RGS7: variants seen among roughly 807,000 people sequenced by gnomAD.
RGS7 encodes the protein regulator of G protein signaling 7, also known as regulator of G-protein signaling 7.
A neutral mutation model predicts 81.1 loss-of-function variants in RGS7; 27 were observed. The ratio of observed to expected loss-of-function variants is 0.33; its 90% confidence interval spans 0.25 to 0.46. The LOEUF is 0.46. Among genes scored for constraint, RGS7 ranks in the 20% least tolerant of loss-of-function variants. RGS7 has a pLI of 1.00. For synonymous variants in RGS7, 208 were observed against 207.7 expected (o/e 1.00, Z -0.01); for missense variants, 396 against 607.4 (o/e 0.65, Z 3.66).
intron 4 of RGS7, among the ~76,000 whole-genome samples, chr1:240,973,872 G>A (rs746111053): frequency 2.0e-5 from 3 of 152,070 alleles, no homozygotes; most frequent in South Asian, 2.1e-4. Context: ...GAGCCACTGC[G>A]CCCGGCCAGA....
intron 18 of RGS7, among the ~76,000 whole-genome samples, chr1:240,781,352 C>G (rs1362369689): frequency 1.3e-5 from 2 of 152,154 alleles, no homozygotes; most frequent in Non-Finnish European, 1.5e-5. Flanking sequence ...AGGCCTGTAA[C>G]CCCCGCACTT....
At chr1:241,205,992 CGTAA>C (rs1423050072) in intron 2 of RGS7, among the ~76,000 whole-genome samples, 11 of 148,312 alleles carry the variant, frequency 7.4e-5, no homozygotes, top group South Asian at 2.1e-4. Context: ...ACAGTAATTT[CGTAA>C]GTGTTTTTTT....
chr1:240,977,483 T>A (rs918572078), intron 4 of RGS7, among the ~76,000 whole-genome samples: 1 of 152,160 alleles, frequency 6.6e-6, no homozygotes, highest in Non-Finnish European at 1.5e-5. Flanking sequence ...AAGGTACAAA[T>A]CAAAATATAA....
chr1:241,207,348 C>CATATATATATATATCT (rs540737449), intron 2 of RGS7, among the ~76,000 whole-genome samples: 1 of 143,674 alleles, frequency 7.0e-6, no homozygotes, highest in Non-Finnish European at 1.5e-5. Context: ...CTTTAAAATG[C>CATATATATATATATCT]ATATATATAT....
chr1:240,865,169 C>A (rs557789828), intron 9 of RGS7, among the ~76,000 whole-genome samples: 67 of 152,252 alleles, frequency 4.4e-4, no homozygotes, highest in African/African-American at 1.6e-3. Flanking sequence ...TTAGAAAGGG[C>A]AAATCACTGT....
intron 2 of RGS7, among the ~76,000 whole-genome samples, chr1:241,221,855 T>A (rs2075034489): frequency 6.6e-6 from 1 of 152,200 alleles, no homozygotes; most frequent in Non-Finnish European, 1.5e-5. Context: ...TCCATAAACA[T>A]AAGCCAATTC....
intron 2 of RGS7, among the ~76,000 whole-genome samples, chr1:241,255,891 T>C (rs933565373): frequency 6.6e-6 from 1 of 152,176 alleles, no homozygotes; most frequent in African/African-American, 2.4e-5. Flanking sequence ...AACCAGAAAT[T>C]CTGACTGGGG....
intron 9 of RGS7, among the ~76,000 whole-genome samples, chr1:240,866,600 T>C (rs1449138328): frequency 6.6e-6 from 1 of 152,006 alleles, no homozygotes; most frequent in Non-Finnish European, 1.5e-5. Context: ...GATGACTTTC[T>C]AGTTGGAAGC....
chr1:240,809,672 G>A (rs953179833), intron 14 of RGS7, among the ~76,000 whole-genome samples: 1 of 152,186 alleles, frequency 6.6e-6, no homozygotes, highest in Non-Finnish European at 1.5e-5. Context: ...GTGGTTGGAT[G>A]TGTGATGATC....
chr1:241,022,767 C>T lies in RGS7; in HGVS notation c.176-39638G>A, dbSNP rs146734364. Reference sequence around the variant, plus strand: ...CGTGGCCAGCATCGTGACACTTAAGCTCTTCCTTTACTGTAATGCCATGGT... The same window carrying T: ...CGTGGCCAGCATCGTGACACTTAAGTTCTTCCTTTACTGTAATGCCATGGT... On this transcript the variant is annotated intron_variant, in intron 3 of 18. Coordinates refer to ENST00000440928, the MANE Select transcript of RGS7 (RefSeq NM_001364886.1). 1.5e-4 allele frequency among the ~76,000 whole-genome samples: 23 copies of T among 152,302 alleles called. No homozygotes were observed. In the East Asian group the frequency reaches 4.4e-3, roughly 29 times the overall value.
At chr1:240,819,822 A>G (rs1691467908) in intron 10 of RGS7, among the ~76,000 whole-genome samples, 1 of 152,366 alleles carries the variant, frequency 6.6e-6, no homozygotes, top group South Asian at 2.1e-4. Flanking sequence ...AACATCTTCC[A>G]GGAGCCTGGC....
At chr1:240,907,909 C>T (rs893283753) in intron 6 of RGS7, among the ~76,000 whole-genome samples, 1 of 152,126 alleles carries the variant, frequency 6.6e-6, no homozygotes, top group Non-Finnish European at 1.5e-5. Flanking sequence ...CCATAAAATA[C>T]ATGCCATTCG....
intron 3 of RGS7, among the ~76,000 whole-genome samples, chr1:241,088,791 C>G (rs1187859371): frequency 6.6e-6 from 1 of 151,732 alleles, no homozygotes; most frequent in Non-Finnish European, 1.5e-5. Context: ...GTGGGCAGAT[C>G]ACGAGGTCAG....
In RGS7 at chr1:240,870,128, A is replaced by T; in HGVS notation, c.386-9T>A. ...CTTGCAGAGGTAAACGGCTGAAAAA[A>T]AAATCAATCATTTCTTGCCTGCTTA... On this transcript the variant is annotated splice_polypyrimidine_tract_variant and intron_variant, in intron 6 of 18. Coordinates refer to ENST00000440928, the MANE Select transcript of RGS7 (RefSeq NM_001364886.1). 1 of 1,613,774 alleles carries T rather than the reference A, an allele frequency of 6.2e-7. No homozygotes were observed. Among genetic ancestry groups the T allele is most frequent in the Non-Finnish European group, 8.5e-7 (1 of 1,179,674 alleles).
chr1:240,838,395 G>C (rs779662947), intron 9 of RGS7, among the ~76,000 whole-genome samples: 3 of 152,134 alleles, frequency 2.0e-5, no homozygotes, highest in Non-Finnish European at 4.4e-5. Context: ...ATTTGGGGAG[G>C]ACACAAATGT....
intron 2 of RGS7, among the ~76,000 whole-genome samples, chr1:241,316,678 T>C (rs1479863729): frequency 1.3e-5 from 2 of 152,202 alleles, no homozygotes; most frequent in South Asian, 2.1e-4. Flanking sequence ...GTTTTGAGAA[T>C]TTTTGCATCC....
chr1:241,160,852 C>A (rs2069592108), intron 2 of RGS7, among the ~76,000 whole-genome samples: 1 of 152,028 alleles, frequency 6.6e-6, no homozygotes, highest in Admixed American at 6.6e-5. Context: ...TCAAACCATC[C>A]CGGCCTTGTC....
chr1:240,988,068 A>G (rs937764053), intron 3 of RGS7, among the ~76,000 whole-genome samples: 5 of 152,024 alleles, frequency 3.3e-5, no homozygotes, highest in Non-Finnish European at 7.4e-5. Context: ...CCCTTGAGAG[A>G]AGAAACGACA....
intron 2 of RGS7, among the ~76,000 whole-genome samples, chr1:241,313,059 G>A (rs528816285): frequency 6.6e-6 from 1 of 152,310 alleles, no homozygotes; most frequent in East Asian, 1.9e-4. Context: ...TCAATCCTAT[G>A]AAGGCTGAGA....
Sources: gnomAD v4.1 joint callset for allele counts (sites outside exome capture counted in the v4.1 genomes callset) on GRCh38, gnomAD v4.1.1 for gene constraint, MANE v1.5 for transcripts, NCBI Gene and HGNC (gene_info 2026-07-23, HGNC 2026-07-21) for gene names.